Variants in PDZD2 observed in about 807,000 individuals in gnomAD.
The protein encoded by PDZD2 is PDZ domain containing 2.
A neutral mutation model predicts 220.7 loss-of-function variants in PDZD2; 90 were observed. That is an observed-to-expected ratio of 0.41 (90% confidence interval 0.34 to 0.49). The LOEUF (loss-of-function observed/expected upper bound fraction) is 0.49, where lower values mean the gene tolerates loss of function less well. Among genes scored for constraint, PDZD2 ranks in the 20% least tolerant of loss-of-function variants. The probability of loss-of-function intolerance (pLI) is 0.28; values close to 1 mark genes in which losing one functional copy is unlikely to be tolerated. For synonymous variants in PDZD2, 1,375 were observed against 1,450.5 expected, an observed-to-expected ratio of 0.95 and a Z score of 1.18; for missense variants, 3,174 against 3,608.5, an observed-to-expected ratio of 0.88 and a Z score of 3.08.
intron 2 of PDZD2, among the ~76,000 whole-genome samples, chr5:31,811,624 A>G (rs1485681494): frequency 6.6e-6 from 1 of 152,200 alleles, no homozygotes. Context: ...GGGATCACAA[A>G]TGTATCTTCA....
chr5:32,097,325 C>T lies in PDZD2; in HGVS notation c.7892C>T (p.Ser2631Leu). ...CFIVLNRKEG[S>L]GLGFSVAGGT... ...ATAGTCTTGAATAGAAAAGAAGGCT[C>T]AGGTCTGGGATTCAGTGTGGCAGGA... Residue 2631 changes from serine (S) to leucine (L), a missense_variant, in exon 22 of 25, where the codon TCA becomes TTA. This residue lies in a region of PDZD2 where 631 missense variants were observed against 789.9 expected (regional missense o/e 0.80). Transcript: ENST00000438447. 1.2e-6 allele frequency: 2 copies of T among 1,613,464 alleles called. No individual in the cohort carries two copies. Among genetic ancestry groups the T allele is most frequent in the Non-Finnish European group, 1.7e-6 (2 of 1,179,378 alleles).
At chr5:31,829,408 A>T (rs1335054624) in intron 2 of PDZD2, among the ~76,000 whole-genome samples, 1 of 151,746 alleles carries the variant, frequency 6.6e-6, no homozygotes, top group African/African-American at 2.4e-5. Context: ...GCTCACTGCA[A>T]CCTCTACCTC....
At chr5:31,926,387 G>A (rs573705649) in intron 2 of PDZD2, among the ~76,000 whole-genome samples, 21 of 150,252 alleles carry the variant, frequency 1.4e-4, no homozygotes, top group Admixed American at 4.0e-4. Flanking sequence ...TTAGCCAGGC[G>A]TGGTGGTGCA....
At chr5:31,752,653 G>T (rs1160397016) in intron 1 of PDZD2, among the ~76,000 whole-genome samples, 2 of 152,054 alleles carry the variant, frequency 1.3e-5, no homozygotes, top group African/African-American at 4.8e-5. Context: ...GAGCTCAACT[G>T]ATGCTGATAC....
intron 14 of PDZD2, among the ~76,000 whole-genome samples, chr5:32,063,325 C>T (rs1739869904): frequency 6.6e-6 from 1 of 152,114 alleles, no homozygotes; most frequent in Non-Finnish European, 1.5e-5. Flanking sequence ...TGAGCCACCA[C>T]GCCCGGTCTG....
intron 1 of PDZD2, chr5:31,787,673 C>T (rs1344851445): frequency 6.6e-6 from 1 of 151,998 alleles, no homozygotes; most frequent in African/African-American, 2.4e-5. Context: ...CTTGGGCCTG[C>T]CTTGATGTTC....
chr5:31,953,774 C>T (rs1341448746), intron 2 of PDZD2, among the ~76,000 whole-genome samples: 2 of 152,004 alleles, frequency 1.3e-5, no homozygotes, highest in Non-Finnish European at 2.9e-5. Flanking sequence ...GCCTCAGCCT[C>T]CCGAGTAGCT....
At chr5:31,809,743 T>C (rs899475225) in intron 2 of PDZD2, among the ~76,000 whole-genome samples, 1 of 152,192 alleles carries the variant, frequency 6.6e-6, no homozygotes. Flanking sequence ...GAAAGCCACA[T>C]GCACAGCTGC....
At chr5:32,001,936 G>T (rs1752141298) in intron 5 of PDZD2, among the ~76,000 whole-genome samples, 1 of 152,178 alleles carries the variant, frequency 6.6e-6, no homozygotes, top group African/African-American at 2.4e-5. Flanking sequence ...TTCCAGCCGG[G>T]AAGGACAGGA....
chr5:32,052,149 TC>T (rs1581381396), intron 8 of PDZD2, among the ~76,000 whole-genome samples: 1 of 152,312 alleles, frequency 6.6e-6, no homozygotes, highest in East Asian at 1.9e-4. Context: ...GGGCTATTCT[TC>T]CGATAGTTTT....
intron 2 of PDZD2, among the ~76,000 whole-genome samples, chr5:31,969,728 A>T (rs1749122725): frequency 6.6e-6 from 1 of 151,918 alleles, no homozygotes; most frequent in Non-Finnish European, 1.5e-5. Context: ...AAATCACTGA[A>T]TTATACCTTT....
At chr5:31,791,361 C>G (rs1018271702) in intron 1 of PDZD2, among the ~76,000 whole-genome samples, 4 of 151,900 alleles carry the variant, frequency 2.6e-5, no homozygotes, top group African/African-American at 9.7e-5. Flanking sequence ...GAGGCCGACG[C>G]GGGCAGATCA....
At chr5:31,942,593 G>T (rs536060224) in intron 2 of PDZD2, among the ~76,000 whole-genome samples, 1 of 152,188 alleles carries the variant, frequency 6.6e-6, no homozygotes, top group African/African-American at 2.4e-5. Context: ...CCTCAGCTTC[G>T]CAATGTACTG....
rs562443738 is a variant in PDZD2, at chr5:31,926,035, G to T, written c.477-57120G>T. Among the ~76,000 whole-genome samples the T allele has an allele frequency of 5.3e-5, 8 of 152,088 alleles. No individual in the cohort carries two copies. The East Asian group carries it at 1.5e-3, about 29-fold the overall frequency. ...AGAGTTCAAGACCAGCCTAGGAAAC[G>T]CATAGCAAGACCCTGTCTCGACAGA... On this transcript the variant is annotated intron_variant, in intron 2 of 24. Coordinates refer to ENST00000438447, the MANE Select transcript of PDZD2 (RefSeq NM_178140.4).
chr5:31,699,964 A>T (rs1248607332), intron 1 of PDZD2, among the ~76,000 whole-genome samples: 2 of 152,036 alleles, frequency 1.3e-5, no homozygotes, highest in Admixed American at 1.3e-4. Flanking sequence ...GCCATCCTGA[A>T]AGCTTGGGGA....
chr5:31,870,127 G>C (rs184118216), intron 2 of PDZD2, among the ~76,000 whole-genome samples: 1 of 152,136 alleles, frequency 6.6e-6, no homozygotes, highest in African/African-American at 2.4e-5. Context: ...GGATTCCTCC[G>C]GAGTTCCCTA....
rs994955736 is a variant in PDZD2 at position 32,059,989 on chromosome 5, G to A, written c.2318+633G>A. 5.3e-5 allele frequency among the ~76,000 whole-genome samples: 8 copies of A among 152,104 alleles called. No homozygotes were observed. The South Asian group carries it at 6.2e-4, about 12-fold the overall frequency. On this transcript the variant is annotated intron_variant, in intron 13 of 24. Transcript: ENST00000438447. ...GCAGTGAGTCAGTGCCCACCTAAAC[G>A]TCACAAGAATGTACGTGTATTGCAC...
At chr5:31,821,520 A>G (rs1224592319) in intron 2 of PDZD2, among the ~76,000 whole-genome samples, 3 of 152,022 alleles carry the variant, frequency 2.0e-5, no homozygotes, top group African/African-American at 7.2e-5. Context: ...AGCTGGGACT[A>G]CAGGCGTGCA....
At chr5:31,813,449 CAAAAAAAAAAAA>C (rs60551914) in intron 2 of PDZD2, among the ~76,000 whole-genome samples, 7 of 94,202 alleles carry the variant, frequency 7.4e-5, no homozygotes, top group Admixed American at 1.4e-4. Flanking sequence ...GACTCCGTCT[CAAAAAAAAAAAA>C]AAAAAAAAAA....
Sources: allele counts gnomAD v4.1 joint callset (sites outside exome capture counted in the v4.1 genomes callset), GRCh38; gene constraint gnomAD v4.1.1; regional missense constraint gnomAD v4.1.1; transcripts MANE v1.5; gene names NCBI Gene and HGNC (gene_info 2026-07-23, HGNC 2026-07-21).